Variants in HLCS observed in about 807,000 individuals in gnomAD.
HLCS encodes biotin--protein ligase.
In HLCS, 53 loss-of-function variants were observed where a neutral mutation model predicts 75.0. The observed-to-expected ratio is 0.71, with a 90% CI of 0.57 to 0.89. The LOEUF (loss-of-function observed/expected upper bound fraction) is 0.89, where lower values mean the gene tolerates loss of function less well. HLCS is among the 40% of genes least tolerant of loss of function. HLCS has a pLI of 0.00. For missense variants in HLCS, 966 were observed against 1,074.0 expected (o/e 0.90, Z 1.41); for synonymous variants, 431 against 428.6 (o/e 1.01, Z -0.07).
chr21:36,861,331 G>T (rs2063375281), intron 6 of HLCS, among the ~76,000 whole-genome samples: 1 of 152,114 alleles, frequency 6.6e-6, no homozygotes, highest in Non-Finnish European at 1.5e-5. Context: ...CAAGCTCTCA[G>T]GTGCTTCCAG....
chr21:36,877,441 T>C (rs2064028473), intron 6 of HLCS, among the ~76,000 whole-genome samples: 1 of 152,152 alleles, frequency 6.6e-6, no homozygotes, highest in Non-Finnish European at 1.5e-5. Flanking sequence ...GATTACAATG[T>C]ACATCCTTAC....
At chr21:36,813,649 A>T (rs897295761) in intron 6 of HLCS, among the ~76,000 whole-genome samples, 4 of 152,228 alleles carry the variant, frequency 2.6e-5, no homozygotes, top group Admixed American at 2.6e-4. Flanking sequence ...TTCCCTTAGA[A>T]TATGTATGCA....
intron 2 of HLCS, among the ~76,000 whole-genome samples, chr21:36,952,262 G>T (rs1230313506): frequency 1.3e-5 from 2 of 152,136 alleles, no homozygotes; most frequent in Admixed American, 6.6e-5. Flanking sequence ...AATGGGAACT[G>T]TCAACTTGGC....
chr21:36,931,283 C>CAAAAAAAAAAAAAAAAAAAAAA, intron 4 of HLCS, among the ~76,000 whole-genome samples: 1 of 75,472 alleles, frequency 1.3e-5, no homozygotes, highest in Non-Finnish European at 2.5e-5. Flanking sequence ...AACTCCATCG[C>CAAAAAAAAAAAAAAAAAAAAAA]AAAAAAAAAA....
chr21:36,785,226 C>A (rs1001883812), intron 6 of HLCS, among the ~76,000 whole-genome samples: 7 of 152,100 alleles, frequency 4.6e-5, no homozygotes, highest in African/African-American at 1.4e-4. Flanking sequence ...AGAGATCAAC[C>A]AACACGCCAG....
chr21:36,855,258 T>G (rs2063146643), intron 6 of HLCS, among the ~76,000 whole-genome samples: 1 of 152,074 alleles, frequency 6.6e-6, no homozygotes, highest in Non-Finnish European at 1.5e-5. Flanking sequence ...TGGCCACGCA[T>G]GGTGGCTCAC....
intron 6 of HLCS, among the ~76,000 whole-genome samples, chr21:36,808,313 C>T (rs745812776): frequency 2.0e-5 from 3 of 152,106 alleles, no homozygotes; most frequent in African/African-American, 4.8e-5. Context: ...TTATTACAAC[C>T]TAATTTTAAA....
At position 36,751,749 on chromosome 21, in the gene HLCS, G is replaced by C. The variant is rs1202116441; in HGVS notation, c.*2497C>G. On this transcript the variant is annotated 3_prime_UTR_variant, in exon 11 of 11. Transcript: ENST00000674895. ...CCAGTTATTGCTGTGTTCTATTTTA[G>C]GGGGCACTTCCTCAAGAGTCCCCTT... 1 of 152,230 alleles carries C rather than the reference G, an allele frequency of 6.6e-6. No individual in the cohort carries two copies. Among genetic ancestry groups the C allele is most frequent in the East Asian group, 1.9e-4 (1 of 5,200 alleles). The allele number at this position is 152,230 out of a possible 1,614,324, so 9.4% of individuals were successfully genotyped here. A position where few individuals can be genotyped will look rare whatever the true frequency, so the allele number is the denominator to read the frequency against.
At chr21:36,849,331 TATAG>T (rs1422914772) in intron 6 of HLCS, among the ~76,000 whole-genome samples, 2 of 152,234 alleles carry the variant, frequency 1.3e-5, no homozygotes, top group Non-Finnish European at 2.9e-5. Context: ...TGCATATACA[TATAG>T]ATTTTACTTG....
chr21:36,926,387 T>C (rs1227466036), intron 5 of HLCS, among the ~76,000 whole-genome samples: 1 of 152,176 alleles, frequency 6.6e-6, no homozygotes, highest in Non-Finnish European at 1.5e-5. Context: ...GCGAACCCTT[T>C]CTAAATAATA....
intron 6 of HLCS, among the ~76,000 whole-genome samples, chr21:36,773,803 C>T (rs1022562273): frequency 1.3e-5 from 2 of 152,200 alleles, no homozygotes; most frequent in Non-Finnish European, 2.9e-5. Context: ...TGAATTCCCA[C>T]TGTTCATAAC....
chr21:36,865,712 C>A (rs2063532316), intron 6 of HLCS, among the ~76,000 whole-genome samples: 1 of 152,192 alleles, frequency 6.6e-6, no homozygotes, highest in South Asian at 2.1e-4. Context: ...CCACCAGTGA[C>A]CCTTACTATT....
chr21:36,770,238 C>T (rs1028310391), intron 6 of HLCS, among the ~76,000 whole-genome samples: 1 of 150,660 alleles, frequency 6.6e-6, no homozygotes, highest in Non-Finnish European at 1.5e-5. Context: ...CCTCCATCTC[C>T]AAGGTTTAAG....
Position 36,756,722 on chromosome 21 carries a change from G to A in HLCS, c.2270C>T (p.Thr757Ile), listed in dbSNP as rs185458288. The change falls in exon 10 of 11, where the codon ACC becomes ATC. Residue 757 changes from threonine to isoleucine, a missense_variant. Transcript: ENST00000674895. ...TGTGATGAGGTCGTTGATGCAGATG[G>A]TAGGGTTACTGTTAGTCACATTAAA... is the stretch of plus-strand genomic sequence containing the variant. ...CGFNVTNSNP[T>I]ICINDLITEY... The A allele has an allele frequency of 6.2e-6, 10 of 1,614,146 alleles. No individual in the cohort carries two copies. Among genetic ancestry groups the A allele is most frequent in the African/African-American group, 1.3e-5 (1 of 75,030 alleles).
intron 6 of HLCS, among the ~76,000 whole-genome samples, chr21:36,784,902 T>G (rs899037679): frequency 3.9e-5 from 6 of 152,114 alleles, no homozygotes; most frequent in African/African-American, 1.4e-4. Context: ...GAAATTTACA[T>G]AAATTATAAT....
At chr21:36,926,724 C>A (rs2146476639) in intron 5 of HLCS, among the ~76,000 whole-genome samples, 1 of 150,596 alleles carries the variant, frequency 6.6e-6, no homozygotes, top group South Asian at 2.1e-4. Flanking sequence ...TACCAGATTT[C>A]CTTCCAGTCT....
upstream of HLCS, chr21:36,966,686 G>A (rs545428353): frequency 4.4e-6 from 4 of 916,198 alleles, no homozygotes; most frequent in South Asian, 5.0e-5. Flanking sequence ...CCGCCCCAGC[G>A]CCCCAGGCCC....
At chr21:36,940,316 T>C (rs2067085977) in intron 2 of HLCS, among the ~76,000 whole-genome samples, 1 of 152,164 alleles carries the variant, frequency 6.6e-6, no homozygotes, top group African/African-American at 2.4e-5. Flanking sequence ...TATAGATAAA[T>C]AATTTTTTAT....
chr21:36,872,865 G>A (rs2063819654), intron 6 of HLCS, among the ~76,000 whole-genome samples: 1 of 152,080 alleles, frequency 6.6e-6, no homozygotes, highest in African/African-American at 2.4e-5. Flanking sequence ...TTACAGGGTA[G>A]GCATATGTGT....
Sources: allele counts gnomAD v4.1 joint callset (sites outside exome capture counted in the v4.1 genomes callset), GRCh38; gene constraint gnomAD v4.1.1; transcripts MANE v1.5; gene names NCBI Gene and HGNC (gene_info 2026-07-23, HGNC 2026-07-21).